PCNT: variants seen among roughly 807,000 people sequenced by gnomAD.
PCNT encodes the protein kendrin.
In PCNT, 319 loss-of-function variants were observed where a neutral mutation model predicts 380.4. The observed-to-expected ratio is 0.84, with a 90% CI of 0.77 to 0.92. PCNT has a LOEUF of 0.92. PCNT is among the 40% of genes least tolerant of loss of function. PCNT has a pLI of 0.00. For synonymous variants in PCNT, 1,845 were observed against 1,735.2 expected (o/e 1.06, Z -1.57); for missense variants, 4,400 against 4,255.3 (o/e 1.03, Z -0.95).
chr21:46,399,283 T>G (rs76347724), intron 24 of PCNT, among the ~76,000 whole-genome samples: 4,374 of 31,208 alleles, frequency 0.14, 121 homozygotes, highest in South Asian at 0.19. Flanking sequence ...GGGTCTCTGT[T>G]CAGCCTGTGA....
chr21:46,408,627 A>G (rs2086689015), intron 27 of PCNT, among the ~76,000 whole-genome samples: 1 of 148,084 alleles, frequency 6.8e-6, no homozygotes, highest in Non-Finnish European at 1.5e-5. Context: ...AGAGTTTTGT[A>G]TTTCCTTAAT....
intron 33 of PCNT, among the ~76,000 whole-genome samples, chr21:46,427,220 T>C (rs986773591): frequency 1.5e-4 from 23 of 152,274 alleles, no homozygotes; most frequent in Non-Finnish European, 1.9e-4. Flanking sequence ...CCTTTGCTTC[T>C]CGTGCCTTGA....
At chr21:46,428,964 A>G (rs1000500557) in intron 35 of PCNT, among the ~76,000 whole-genome samples, 4 of 152,140 alleles carry the variant, frequency 2.6e-5, no homozygotes, top group African/African-American at 9.7e-5. Flanking sequence ...GTAAGTAACG[A>G]TTTTTTGTTT....
intron 33 of PCNT, among the ~76,000 whole-genome samples, chr21:46,426,452 G>C (rs1047017117): frequency 9.2e-5 from 14 of 151,988 alleles, no homozygotes; most frequent in Admixed American, 4.6e-4. Context: ...GGAGGTGTGT[G>C]GGGGGCAGAA....
rs201840054 is a variant in PCNT, at chr21:46,431,652, G to A, written c.8188G>A (p.Glu2730Lys). 26 of 1,613,750 alleles carry A rather than the reference G, an allele frequency of 1.6e-5. No individual in the cohort carries two copies. The Admixed American group carries it at 2.2e-4, about 13-fold the overall frequency. Residue 2730 changes from glutamate (E) to lysine (K), a missense_variant, in exon 38 of 47, where the codon GAG becomes AAG. Transcript: ENST00000359568. ...KELRIEHSRC[E>K]ALLAQERSQL... ...GCTGCGTATCGAGCACTCACGCTGC[G>A]AGGCCTTGCTGGCTCAGGAGCGGAG...
intron 2 of PCNT, among the ~76,000 whole-genome samples, chr21:46,330,496 A>C (rs1002669577): frequency 3.3e-5 from 5 of 152,178 alleles, no homozygotes; most frequent in African/African-American, 1.2e-4. Flanking sequence ...TCTGCTGTAC[A>C]CTAAGTTAGG....
At position 46,397,884 on chromosome 21, in the gene PCNT, G is replaced by A. The variant is rs1423141740; in HGVS notation, c.4447-130G>A. On this transcript the variant is annotated intron_variant, in intron 22 of 46. Coordinates refer to ENST00000359568, the MANE Select transcript of PCNT (RefSeq NM_006031.6). ...CCATTTTACAAAGTGACTGTGATGAGGGGGGTATTTGGAGTCTGAGCTGCT... is the reference window on the plus strand; with the variant it reads ...CCATTTTACAAAGTGACTGTGATGAAGGGGGTATTTGGAGTCTGAGCTGCT... 4 of 705,150 alleles carry A rather than the reference G, an allele frequency of 5.7e-6. No individual in the cohort carries two copies. In the African/African-American group the frequency reaches 7.0e-5, roughly 12 times the overall value. The allele number at this position is 705,150 out of a possible 1,614,324, so 43.7% of individuals were successfully genotyped here.
At chr21:46,364,181 C>T (rs539280459) in intron 14 of PCNT, among the ~76,000 whole-genome samples, 231 of 147,064 alleles carry the variant, frequency 1.6e-3, no homozygotes, top group African/African-American at 5.4e-3. Flanking sequence ...GCTTTGTGCT[C>T]GGACAGGCAG....
chr21:46,357,191 G>A lies in PCNT; in HGVS notation c.2154G>A (p.Lys718=), dbSNP rs147878958. 247 of 1,603,292 alleles carry A rather than the reference G, an allele frequency of 1.5e-4. No homozygotes were observed. The highest frequency in any genetic ancestry group is 1.2e-4 in the Non-Finnish European group (142 of 1,170,018). ...CTCGTCTGAAGGACGATTTGGAGAA[G>A]GTGAGTCGTGACTCCACAGCCCAGC... ...HETRLKDDLE[K]VKHNLIEDHQ... The change falls in exon 13 of 47, where the codon AAG becomes AAA. Residue 718 remains lysine, a splice_region_variant and synonymous_variant. Coordinates refer to ENST00000359568, the MANE Select transcript of PCNT (RefSeq NM_006031.6).
Position 46,412,065 on chromosome 21 carries a change from C to T in PCNT, c.5992C>T (p.Gln1998Ter), listed in dbSNP as rs757577162. 4.7e-5 allele frequency: 75 copies of T among 1,606,228 alleles called. No individual in the cohort carries two copies. The highest frequency in any genetic ancestry group is 5.8e-5 in the Non-Finnish European group (68 of 1,179,778). ...AALEPVVPDP[Q>*]GDLQPVLVTL... Reference sequence around the variant, plus strand: ...TTTGGAGCCGGTTGTCCCTGACCCACAGGTGGGCTCCCCCCGCGGGCCATG... The same window carrying T: ...TTTGGAGCCGGTTGTCCCTGACCCATAGGTGGGCTCCCCCCGCGGGCCATG... The change falls in exon 28 of 47, where the codon CAG (glutamine) becomes TAG (stop). Residue 1998 changes from glutamine to a stop codon, truncating the protein, a stop_gained and splice_region_variant. Coordinates refer to ENST00000359568, the MANE Select transcript of PCNT (RefSeq NM_006031.6). LOFTEE classifies it high-confidence loss of function.
chr21:46,430,119 G>A lies in PCNT; in HGVS notation c.7800G>A (p.Ala2600=), dbSNP rs61735820. ...EKANSVQKLL[A]AEQTVVRDLK... is the part of the protein sequence containing the mutation. ...CAAACAGCGTGCAGAAGCTCCTGGC[G>A]GCGGAGCAGACTGTAGTGCGAGATT... Residue 2600 remains alanine, a synonymous_variant, in exon 36 of 47, where the codon GCG becomes GCA. Coordinates refer to ENST00000359568, the MANE Select transcript of PCNT (RefSeq NM_006031.6). The A allele has an allele frequency of 0.021, 33,143 of 1,614,180 alleles. 456 individuals carry two copies. Among genetic ancestry groups the A allele is most frequent in the Non-Finnish European group, 0.026 (30,118 of 1,179,990 alleles).
rs1362725811 is a variant in PCNT, at chr21:46,431,612, C to T, written c.8148C>T (p.Asp2716=). 6.2e-7 allele frequency: 1 copy of T among 1,613,938 alleles called. No homozygotes were observed. The highest frequency in any genetic ancestry group is 1.3e-5 in the African/African-American group (1 of 74,944). ...TGAAACACGAGCAGACGGCCAAGGA[C>T]AACCTGCAGAAGGAGCTGCGTATCG... ...VALKHEQTAK[D]NLQKELRIEH... The change falls in exon 38 of 47, where the codon GAC becomes GAT. Residue 2716 remains aspartate (D), a synonymous_variant. Coordinates refer to ENST00000359568, the MANE Select transcript of PCNT (RefSeq NM_006031.6).
rs994908820 is a variant in PCNT, at chr21:46,428,357, G to T, written c.7495-38G>T. 6 of 1,583,134 alleles carry T rather than the reference G, an allele frequency of 3.8e-6. No individual in the cohort carries two copies. In the African/African-American group the frequency reaches 8.1e-5, roughly 21 times the overall value. On this transcript the variant is annotated intron_variant, in intron 34 of 46. Transcript: ENST00000359568. The stretch of plus-strand genomic sequence containing the variant: ...GGGAAGGCCGGGGCATGGGGTGGCT[G>T]CCCAATGCTCAGGCTGCTTGTCCCA...
chr21:46,366,046 C>G, intron 14 of PCNT, among the ~76,000 whole-genome samples: 1 of 151,028 alleles, frequency 6.6e-6, no homozygotes, highest in South Asian at 2.1e-4. Flanking sequence ...CCTTGGGGTT[C>G]TATTCACTCA....
intron 3 of PCNT, among the ~76,000 whole-genome samples, chr21:46,345,235 T>G (rs2146528553): frequency 6.6e-6 from 1 of 152,298 alleles, no homozygotes; most frequent in South Asian, 2.1e-4. Flanking sequence ...TTTATTTTTT[T>G]GAGGTGGAGT....
chr21:46,442,407 C>G (rs887213875), intron 43 of PCNT, 90 bp from the exon 44 acceptor site: 3 of 809,656 alleles, frequency 3.7e-6, no homozygotes, highest in Non-Finnish European at 6.4e-6. Context: ...GGCCCCCATT[C>G]TGCTTGTTTG....
intron 13 of PCNT, among the ~76,000 whole-genome samples, chr21:46,358,621 TTGTTTTG>T (rs1269094223): frequency 2.3e-5 from 3 of 129,934 alleles, no homozygotes; most frequent in South Asian, 2.5e-4. Context: ...TGTTGTTTTG[TTGTTTTG>T]TTTTTTTTTT....
In PCNT at chr21:46,416,484, CTCTT is replaced by C. The variant is rs1569278002; in HGVS notation, c.6571_6574del (p.Ser2191HisfsTer53). On this transcript the variant is annotated frameshift_variant, in exon 30 of 47. Transcript: ENST00000359568. LOFTEE classifies it high-confidence loss of function. ...GAAAAATCAGAATGTCAGGACATGT[CTCTT>C]TCTTCACCGACCAGCGTACTTGGTG... 1.9e-6 allele frequency: 3 copies of C among 1,614,128 alleles called. No homozygotes were observed. In the Admixed American group the frequency reaches 5.0e-5, roughly 27 times the overall value.
At chr21:46,357,545 G>C (rs139747965) in intron 13 of PCNT, among the ~76,000 whole-genome samples, 1 of 152,188 alleles carries the variant, frequency 6.6e-6, no homozygotes, top group Non-Finnish European at 1.5e-5. Context: ...GATTTCAAGT[G>C]GTCCCCTGAT....
Sources: allele counts gnomAD v4.1 joint callset (sites outside exome capture counted in the v4.1 genomes callset), GRCh38; gene constraint gnomAD v4.1.1; transcripts MANE v1.5; gene names NCBI Gene and HGNC (gene_info 2026-07-23, HGNC 2026-07-21).